Variants in RIPOR2 observed in about 807,000 individuals in gnomAD.
The protein encoded by RIPOR2 is RHO family interacting cell polarization regulator 2.
A neutral mutation model predicts 114.5 loss-of-function variants in RIPOR2; 39 were observed. The observed-to-expected ratio is 0.34, with a 90% CI of 0.26 to 0.44. The LOEUF is 0.44. Ranked by LOEUF, RIPOR2 falls within the 20% of genes least tolerant of loss-of-function variation. The pLI is 1.00. For synonymous variants in RIPOR2, 445 were observed against 484.4 expected (o/e 0.92, Z 1.07); for missense variants, 1,007 against 1,255.1 (o/e 0.80, Z 2.99).
intron 14 of RIPOR2, 36 bp downstream of exon 14, chr6:24,839,055 A>C (rs1350889822): frequency 1.3e-6 from 2 of 1,503,784 alleles, no homozygotes; most frequent in South Asian, 1.2e-5. Flanking sequence ...CAGCTGTGAC[A>C]GGAGAAATAT....
chr6:24,861,519 T>C lies in RIPOR2; in HGVS notation c.652-483A>G, dbSNP rs190807220. On this transcript the variant is annotated intron_variant, in intron 7 of 21. Transcript: ENST00000643898. ...TATGTTATATAATTCTATGGGATGA[T>C]TGTCAATTTTCTTGGTTGTAGTAAT... is the stretch of plus-strand genomic sequence containing the variant. Among the ~76,000 whole-genome samples the C allele has an allele frequency of 2.7e-4, 41 of 152,300 alleles. No individual in the cohort carries two copies. In the East Asian group the frequency reaches 5.6e-3, roughly 21 times the overall value.
At chr6:24,993,143 C>T (rs1364693395) in intron 1 of RIPOR2, among the ~76,000 whole-genome samples, 2 of 152,128 alleles carry the variant, frequency 1.3e-5, no homozygotes, top group African/African-American at 4.8e-5. Flanking sequence ...TCTTTATTAG[C>T]CTAGCTAGTG....
At chr6:24,885,188 G>A (rs761948056) in intron 1 of RIPOR2, among the ~76,000 whole-genome samples, 7 of 152,098 alleles carry the variant, frequency 4.6e-5, no homozygotes, top group African/African-American at 9.7e-5. Context: ...AAATAACAGC[G>A]TAAAATTTGA....
chr6:24,935,764 G>C, intron 1 of RIPOR2, 74 bp downstream of exon 1: 1 of 1,073,396 alleles, frequency 9.3e-7, no homozygotes, highest in South Asian at 1.4e-5. Flanking sequence ...TGCCCAAGCT[G>C]GGCAAAAGTG....
chr6:24,881,094 A>G (rs1441113579), intron 1 of RIPOR2, among the ~76,000 whole-genome samples: 2 of 152,110 alleles, frequency 1.3e-5, no homozygotes, highest in African/African-American at 2.4e-5. Context: ...TACAAAAAAA[A>G]TTAGCTGGGC....
At chr6:24,867,559 C>T (rs1020288176) in intron 6 of RIPOR2, among the ~76,000 whole-genome samples, 3 of 152,124 alleles carry the variant, frequency 2.0e-5, no homozygotes, top group South Asian at 2.1e-4. Flanking sequence ...CTAGTGGGTA[C>T]GCCAAAGTTT....
At position 24,988,132 on chromosome 6, in the gene RIPOR2, C is replaced by T. The variant is rs919173068; in HGVS notation, c.76+53719G>A. Among the ~76,000 whole-genome samples the T allele has an allele frequency of 2.6e-5, 4 of 152,112 alleles. No homozygotes were observed. In the East Asian group the frequency reaches 7.7e-4, roughly 29 times the overall value. On this transcript the variant is annotated intron_variant, in intron 1 of 13. Coordinates refer to the RIPOR2 transcript ENST00000510784. ...ATCAATAAAATAAGAACTAATTAAC[C>T]CAGGACTAAAATAACTGACCACACT...
At chr6:24,965,566 A>G (rs1773490023) in intron 1 of RIPOR2, among the ~76,000 whole-genome samples, 1 of 152,188 alleles carries the variant, frequency 6.6e-6, no homozygotes, top group African/African-American at 2.4e-5. Flanking sequence ...ATTTCTTTAA[A>G]CATATTAAAC....
intron 21 of RIPOR2, among the ~76,000 whole-genome samples, chr6:24,807,400 G>A (rs1387373795): frequency 6.6e-6 from 1 of 152,274 alleles, no homozygotes; most frequent in South Asian, 2.1e-4. Context: ...TTGAACTCGG[G>A]GGCAGAGGTT....
chr6:24,912,499 T>G (rs1302014185), intron 1 of RIPOR2, among the ~76,000 whole-genome samples: 1 of 138,316 alleles, frequency 7.2e-6, no homozygotes, highest in African/African-American at 2.8e-5. Flanking sequence ...TCAGAGCTTT[T>G]ATAGCACCTT....
chr6:24,848,363 C>T (rs1329611634), intron 11 of RIPOR2, among the ~76,000 whole-genome samples: 1 of 152,100 alleles, frequency 6.6e-6, no homozygotes. Flanking sequence ...ACCCAAGGGA[C>T]CCCAGAATAT....
chr6:24,968,169 G>C (rs1345740936), intron 1 of RIPOR2, among the ~76,000 whole-genome samples: 1 of 152,108 alleles, frequency 6.6e-6, no homozygotes, highest in Non-Finnish European at 1.5e-5. Flanking sequence ...GCCTCCGAAA[G>C]TGCTGAGATT....
chr6:24,931,322 A>T (rs555231686), intron 1 of RIPOR2, among the ~76,000 whole-genome samples: 2 of 152,244 alleles, frequency 1.3e-5, no homozygotes, highest in African/African-American at 2.4e-5. Context: ...AGTGTTTTGT[A>T]GTCTTCTTGC....
At chr6:24,930,191 A>G (rs1037340653) in intron 1 of RIPOR2, among the ~76,000 whole-genome samples, 4 of 152,222 alleles carry the variant, frequency 2.6e-5, no homozygotes, top group Admixed American at 6.5e-5. Context: ...GCAACCCTCC[A>G]GATTTATTTT....
At chr6:24,944,469 A>G (rs1156301647) in intron 1 of RIPOR2, among the ~76,000 whole-genome samples, 2 of 152,202 alleles carry the variant, frequency 1.3e-5, no homozygotes. Flanking sequence ...CAACAAGAAC[A>G]GCAACAAAAA....
At chr6:25,029,354 G>A (rs111360115) in intron 1 of RIPOR2, among the ~76,000 whole-genome samples, 6 of 141,728 alleles carry the variant, frequency 4.2e-5, no homozygotes, top group African/African-American at 1.3e-4. Context: ...GCAGTGAGCC[G>A]AGATCGCGCC....
At chr6:24,960,774 C>T (rs1047691286) in intron 1 of RIPOR2, among the ~76,000 whole-genome samples, 1 of 152,158 alleles carries the variant, frequency 6.6e-6, no homozygotes, top group African/African-American at 2.4e-5. Flanking sequence ...AAGTGATCCA[C>T]CTGCCTTGGC....
chr6:24,929,064 A>T (rs1771178358), intron 1 of RIPOR2, among the ~76,000 whole-genome samples: 1 of 152,240 alleles, frequency 6.6e-6, no homozygotes, highest in South Asian at 2.1e-4. Flanking sequence ...CATGTGAAAG[A>T]ATGATGACAT....
At chr6:24,936,028 C>T, upstream of RIPOR2, 1 of 639,736 alleles carries the variant, frequency 1.6e-6, no homozygotes, top group Non-Finnish European at 2.7e-6. Flanking sequence ...CGCATCTGCC[C>T]TGAAGAAAGC....
Sources: gnomAD v4.1 joint callset for allele counts (sites outside exome capture counted in the v4.1 genomes callset) on GRCh38, gnomAD v4.1.1 for gene constraint, MANE v1.5 for transcripts, NCBI Gene and HGNC (gene_info 2026-07-23, HGNC 2026-07-21) for gene names.